LRIF1: variants seen among roughly 807,000 people sequenced by gnomAD.
The protein encoded by LRIF1 is ligand-dependent nuclear receptor-interacting factor 1.
Under a neutral mutation model 52.7 loss-of-function variants are expected in LRIF1, and 32 were observed. The ratio of observed to expected loss-of-function variants is 0.61; its 90% CI spans 0.46 to 0.82. The LOEUF is 0.82. Among genes scored for constraint, LRIF1 ranks in the 40% least tolerant of loss-of-function variants. The probability of loss-of-function intolerance (pLI) is 0.00; values close to 1 mark genes in which losing one functional copy is unlikely to be tolerated. For synonymous variants in LRIF1, 323 were observed against 317.4 expected, an observed-to-expected ratio of 1.02 and a Z score of -0.19; for missense variants, 887 against 892.0, an observed-to-expected ratio of 0.99 and a Z score of 0.07.
At chr1:110,886,870 T>TATATACATA in the LRIF1 span, among the ~76,000 whole-genome samples, 1 of 35,514 alleles carries the variant, frequency 2.8e-5, no homozygotes, top group Non-Finnish European at 5.7e-5. Context: ...TATATATATA[T>TATATACATA]TTTTTTTTTC....
intron 1 of LRIF1, among the ~76,000 whole-genome samples, chr1:110,958,403 G>A (rs12029897): frequency 0.22 from 32,913 of 152,044 alleles, 3,937 homozygotes; most frequent in East Asian, 0.36. Flanking sequence ...TGCTATTAAT[G>A]TTGGAAATTA....
chr1:110,955,238 T>C (rs1175989715), intron 1 of LRIF1, among the ~76,000 whole-genome samples: 1 of 152,220 alleles, frequency 6.6e-6, no homozygotes, highest in East Asian at 1.9e-4. Context: ...TTCTTATTCC[T>C]TATATTCAGT....
At position 110,951,921 on chromosome 1, in the gene LRIF1, A is replaced by G. The variant is rs564573871; in HGVS notation, c.963T>C (p.Phe321=). The change falls in exon 2 of 4, where the codon TTT becomes TTC. Residue 321 remains phenylalanine, a synonymous_variant. Transcript: ENST00000369763. ...NNVASKILKT[F]VDRKNLGDNT... Reference sequence around the variant, plus strand: ...TATCTCCCAAATTTTTCCTATCTACAAAAGTTTTTAAAATCTTTGAAGCCA... The same window carrying G: ...TATCTCCCAAATTTTTCCTATCTACGAAAGTTTTTAAAATCTTTGAAGCCA... The G allele has an allele frequency of 1.2e-5, 20 of 1,614,020 alleles. No homozygotes were observed. Among genetic ancestry groups the G allele is most frequent in the South Asian group, 9.9e-5 (9 of 91,062 alleles).
At chr1:110,961,151 T>C (rs1322651584) in intron 1 of LRIF1, among the ~76,000 whole-genome samples, 5 of 152,246 alleles carry the variant, frequency 3.3e-5, no homozygotes, top group Admixed American at 3.3e-4. Flanking sequence ...CAGCTGTTCT[T>C]GGAATCTTTC....
At chr1:110,959,907 G>C (rs1658875867) in intron 1 of LRIF1, among the ~76,000 whole-genome samples, 1 of 151,914 alleles carries the variant, frequency 6.6e-6, no homozygotes, top group Admixed American at 6.6e-5. Context: ...ACATTTTATA[G>C]ATATTTTTGC....
chr1:110,960,358 CAAAAT>C (rs1021931168), intron 1 of LRIF1, among the ~76,000 whole-genome samples: 1 of 152,018 alleles, frequency 6.6e-6, no homozygotes, highest in Non-Finnish European at 1.5e-5. Flanking sequence ...ACTCAAATCA[CAAAAT>C]AAAACACTGT....
At chr1:110,900,533 T>A in the LRIF1 span, among the ~76,000 whole-genome samples, 1 of 152,058 alleles carries the variant, frequency 6.6e-6, no homozygotes, top group Non-Finnish European at 1.5e-5. Flanking sequence ...TGACTAATTT[T>A]TTTGTGTGTT....
At chr1:110,953,783 C>T (rs973991694) in intron 1 of LRIF1, among the ~76,000 whole-genome samples, 24 of 152,202 alleles carry the variant, frequency 1.6e-4, no homozygotes, top group African/African-American at 5.8e-4. Flanking sequence ...AGGTACGCCT[C>T]ACCCAACTCA....
chr1:110,908,060 A>C, the LRIF1 span, among the ~76,000 whole-genome samples: 1 of 152,232 alleles, frequency 6.6e-6, no homozygotes, highest in Non-Finnish European at 1.5e-5. Context: ...ATGATAAAAG[A>C]AGGGTCTTTT....
At chr1:110,962,482 G>C (rs947730561) in intron 1 of LRIF1, among the ~76,000 whole-genome samples, 16 of 151,980 alleles carry the variant, frequency 1.1e-4, no homozygotes, top group African/African-American at 3.1e-4. Flanking sequence ...TTATTGCAAT[G>C]GAGTTTTCTA....
At chr1:110,885,403 T>C in the LRIF1 span, among the ~76,000 whole-genome samples, 1 of 152,078 alleles carries the variant, frequency 6.6e-6, no homozygotes, top group Non-Finnish European at 1.5e-5. Context: ...CTGGACGTGG[T>C]GGCAGGCGCC....
chr1:110,885,641 T>C, the LRIF1 span, among the ~76,000 whole-genome samples: 1 of 152,032 alleles, frequency 6.6e-6, no homozygotes, highest in African/African-American at 2.4e-5. Flanking sequence ...GACAGGCAGA[T>C]CACCTGAGGT....
chr1:110,928,361 AAC>A, the LRIF1 span, among the ~76,000 whole-genome samples: 1 of 152,210 alleles, frequency 6.6e-6, no homozygotes, highest in African/African-American at 2.4e-5. Context: ...TTGCTTTTCT[AAC>A]ATATTTCTTC....
the LRIF1 span, among the ~76,000 whole-genome samples, chr1:110,885,393 C>A: frequency 2.0e-5 from 3 of 152,094 alleles, no homozygotes; most frequent in African/African-American, 7.2e-5. Flanking sequence ...AAAAAATTAG[C>A]TGGACGTGGT....
At chr1:110,949,101 G>GA (rs1557837293) in intron 3 of LRIF1, among the ~76,000 whole-genome samples, 6 of 151,582 alleles carry the variant, frequency 4.0e-5, no homozygotes, top group African/African-American at 7.3e-5. Flanking sequence ...GTGTGTGTGG[G>GA]GTGGGCGGTG....
intron 2 of LRIF1, 66 bp from the exon 3 acceptor site, chr1:110,950,189 CTAAG>C: frequency 2.0e-6 from 3 of 1,484,488 alleles, no homozygotes; most frequent in Non-Finnish European, 2.7e-6. Flanking sequence ...TATTAAGCAA[CTAAG>C]TGATTATTTC....
chr1:110,892,187 A>C, the LRIF1 span, among the ~76,000 whole-genome samples: 1 of 152,226 alleles, frequency 6.6e-6, no homozygotes, highest in Non-Finnish European at 1.5e-5. Flanking sequence ...TTGCCTCTCC[A>C]ATGTAAGCAT....
the LRIF1 span, among the ~76,000 whole-genome samples, chr1:110,917,589 A>G: frequency 1.3e-5 from 2 of 151,870 alleles, no homozygotes; most frequent in South Asian, 2.1e-4. Flanking sequence ...ACATATATCA[A>G]TGCACATAAC....
chr1:110,920,170 C>G, the LRIF1 span, among the ~76,000 whole-genome samples: 1 of 152,164 alleles, frequency 6.6e-6, no homozygotes. Flanking sequence ...ACCGCATGAT[C>G]CAGCAATCAT....
Sources: allele counts gnomAD v4.1 joint callset (sites outside exome capture counted in the v4.1 genomes callset), GRCh38; gene constraint gnomAD v4.1.1; transcripts MANE v1.5; gene names NCBI Gene and HGNC (gene_info 2026-07-23, HGNC 2026-07-21).